CLDN10: variants seen among roughly 807,000 people sequenced by gnomAD.
CLDN10 encodes claudin 10.
CLDN10 carries 15 observed loss-of-function variants against 22.9 expected under a neutral mutation model. The observed-to-expected ratio is 0.65, with a 90% CI of 0.44 to 1.01. CLDN10 has a LOEUF of 1.01. CLDN10 is among the 50% of genes least tolerant of loss of function. The probability of loss-of-function intolerance (pLI) is 0.00; values close to 1 mark genes in which losing one functional copy is unlikely to be tolerated. For missense variants in CLDN10, 247 were observed against 287.8 expected, an observed-to-expected ratio of 0.86 and a Z score of 1.03; for synonymous variants, 114 against 111.4, an observed-to-expected ratio of 1.02 and a Z score of -0.15.
chr13:95,550,196 G>A (rs1017948527), upstream of CLDN10, among the ~76,000 whole-genome samples: 5 of 152,346 alleles, frequency 3.3e-5, no homozygotes, highest in African/African-American at 9.6e-5. Flanking sequence ...TGTTGCAACG[G>A]TAATCTGGGC....
intron 1 of CLDN10, among the ~76,000 whole-genome samples, chr13:95,451,365 T>C (rs1045477138): frequency 6.6e-6 from 1 of 152,222 alleles, no homozygotes; most frequent in Non-Finnish European, 1.5e-5. Flanking sequence ...CATTTGTTAT[T>C]CAAAGCCTTT....
chr13:95,515,753 C>T (rs994830714), intron 1 of CLDN10, among the ~76,000 whole-genome samples: 1 of 152,124 alleles, frequency 6.6e-6, no homozygotes, highest in Admixed American at 6.5e-5. Flanking sequence ...AGAACGCGAG[C>T]CCAGAGGAAG....
At chr13:95,440,875 G>A (rs764802995) in intron 1 of CLDN10, among the ~76,000 whole-genome samples, 2 of 152,268 alleles carry the variant, frequency 1.3e-5, no homozygotes, top group Non-Finnish European at 2.9e-5. Flanking sequence ...TGGCGCTGGA[G>A]CGGTCAGAAT....
chr13:95,447,611 T>G (rs1466174834), intron 1 of CLDN10, among the ~76,000 whole-genome samples: 1 of 152,162 alleles, frequency 6.6e-6, no homozygotes, highest in Non-Finnish European at 1.5e-5. Flanking sequence ...CCAGGGCCTC[T>G]CCTTTGCCTC....
chr13:95,468,661 G>C (rs916244793), intron 1 of CLDN10, among the ~76,000 whole-genome samples: 7 of 152,094 alleles, frequency 4.6e-5, no homozygotes, highest in African/African-American at 1.7e-4. Flanking sequence ...CAGAGGTGGA[G>C]GTTTCAGTGA....
intron 1 of CLDN10, among the ~76,000 whole-genome samples, chr13:95,476,132 T>G (rs1184401153): frequency 6.6e-6 from 1 of 152,162 alleles, no homozygotes; most frequent in Non-Finnish European, 1.5e-5. Context: ...TTTGAATGTG[T>G]CAAATATGAC....
intron 1 of CLDN10, among the ~76,000 whole-genome samples, chr13:95,471,454 T>TATATATATATATATATATATATATATA: frequency 1.2e-5 from 1 of 81,226 alleles, no homozygotes; most frequent in African/African-American, 5.4e-5. Context: ...TATATATATA[T>TATATATATATATATATATATATATATA]TTTTTTTTTT....
At chr13:95,540,846 C>T (rs983246162) in intron 1 of CLDN10, among the ~76,000 whole-genome samples, 3 of 152,208 alleles carry the variant, frequency 2.0e-5, no homozygotes, top group African/African-American at 7.2e-5. Flanking sequence ...TACTATGTGA[C>T]ACTTTTTGCT....
chr13:95,548,492 A>T (rs140224768), upstream of CLDN10, among the ~76,000 whole-genome samples: 2 of 152,216 alleles, frequency 1.3e-5, no homozygotes, highest in African/African-American at 4.8e-5. Flanking sequence ...AAAAAAAATT[A>T]TAGATATATA....
At chr13:95,553,006 TC>T (rs1727519466) in intron 1 of CLDN10, 33 bp downstream of exon 1, 1 of 1,609,418 alleles carries the variant, frequency 6.2e-7, no homozygotes, top group African/African-American at 1.3e-5. Context: ...CCCTCAGCCC[TC>T]CTTCCTTGAT....
At chr13:95,453,434 G>A (rs1443384111) in intron 1 of CLDN10, among the ~76,000 whole-genome samples, 1 of 152,156 alleles carries the variant, frequency 6.6e-6, no homozygotes, top group African/African-American at 2.4e-5. Context: ...TGTAATCCCA[G>A]CACTTTGGGA....
chr13:95,496,823 G>A (rs1389222507), intron 1 of CLDN10, among the ~76,000 whole-genome samples: 1 of 152,152 alleles, frequency 6.6e-6, no homozygotes, highest in Non-Finnish European at 1.5e-5. Context: ...GGATCTGAGG[G>A]GGACCCAAGC....
At chr13:95,522,940 A>G (rs2043238277) in intron 1 of CLDN10, among the ~76,000 whole-genome samples, 1 of 151,156 alleles carries the variant, frequency 6.6e-6, no homozygotes, top group East Asian at 1.9e-4. Flanking sequence ...CTTTATCTTC[A>G]TGTTTTTGTT....
chr13:95,536,335 G>C (rs551138239), intron 1 of CLDN10, among the ~76,000 whole-genome samples: 1 of 152,220 alleles, frequency 6.6e-6, no homozygotes, highest in South Asian at 2.1e-4. Flanking sequence ...TGCAATCCCA[G>C]CTCCTCTGGA....
intron 1 of CLDN10, among the ~76,000 whole-genome samples, chr13:95,455,920 G>C (rs987014545): frequency 7.9e-5 from 12 of 152,126 alleles, no homozygotes. Flanking sequence ...CTCAGGCCTG[G>C]CTGAAGGAAG....
At chr13:95,461,359 G>A (rs577107374) in intron 1 of CLDN10, among the ~76,000 whole-genome samples, 1 of 152,106 alleles carries the variant, frequency 6.6e-6, no homozygotes, top group Non-Finnish European at 1.5e-5. Context: ...CCCTCATAAT[G>A]GAGTCATTCA....
At chr13:95,542,079 T>C (rs1275846528) in intron 1 of CLDN10, among the ~76,000 whole-genome samples, 1 of 152,206 alleles carries the variant, frequency 6.6e-6, no homozygotes, top group Non-Finnish European at 1.5e-5. Context: ...CATGGTCACA[T>C]GGCCAGAGCA....
chr13:95,509,118 A>T (rs1230880364), intron 1 of CLDN10, among the ~76,000 whole-genome samples: 1 of 152,202 alleles, frequency 6.6e-6, no homozygotes, highest in African/African-American at 2.4e-5. Flanking sequence ...GTAAGGCAGT[A>T]ACAGAAGCAG....
intron 1 of CLDN10, among the ~76,000 whole-genome samples, chr13:95,436,871 A>G (rs542147612): frequency 6.6e-6 from 1 of 152,328 alleles, no homozygotes; most frequent in Admixed American, 6.5e-5. Context: ...ACATCACAAT[A>G]ATTATAAATT....
Sources: allele counts gnomAD v4.1 joint callset (sites outside exome capture counted in the v4.1 genomes callset), GRCh38; gene constraint gnomAD v4.1.1; transcripts MANE v1.5; gene names NCBI Gene and HGNC (gene_info 2026-07-23, HGNC 2026-07-21).